Variants in TLE1 observed in about 807,000 individuals in gnomAD.
TLE1 encodes TLE family member 1, transcriptional corepressor.
In TLE1, 21 loss-of-function variants were observed where a neutral mutation model predicts 89.8. That is an observed-to-expected ratio of 0.23 (90% CI 0.17 to 0.34). The LOEUF is 0.34. Among genes scored for constraint, TLE1 ranks in the 10% least tolerant of loss-of-function variants. The probability of loss-of-function intolerance (pLI) is 1.00; values close to 1 mark genes in which losing one functional copy is unlikely to be tolerated. For missense variants in TLE1, 795 were observed against 1,031.2 expected, an observed-to-expected ratio of 0.77 and a Z score of 3.14; for synonymous variants, 447 against 407.6, an observed-to-expected ratio of 1.10 and a Z score of -1.16.
chr9:81,587,418 TAAAC>T (rs1378529689), intron 17 of TLE1, among the ~76,000 whole-genome samples: 3 of 152,094 alleles, frequency 2.0e-5, no homozygotes, highest in African/African-American at 4.8e-5. Context: ...ACAAATCCCT[TAAAC>T]AAACTCATAT....
rs531135883 is a variant in TLE1 at position 81,663,787 on chromosome 9, C to T, written c.235-9751G>A. The stretch of plus-strand genomic sequence containing the variant: ...GACTACAGGCACCTGCCACCACGCC[C>T]GGCTAATTTTTGTATTTTTAGTAGA... On this transcript the variant is annotated intron_variant, in intron 4 of 19. Transcript: ENST00000376499. Among the ~76,000 whole-genome samples the T allele has an allele frequency of 3.3e-5, 5 of 151,814 alleles. No homozygotes were observed. In the South Asian group the frequency reaches 1.0e-3, roughly 32 times the overall value.
Position 81,685,783 on chromosome 9 carries a change from G to A in TLE1, c.189+50C>T, listed in dbSNP as rs2291300. ...CATGTTTTTTACACTCTGCTAACAC[G>A]TTTGCTAATATCATATGAAAAAGGA... On this transcript the variant is annotated intron_variant, in intron 3 of 19. Coordinates refer to ENST00000376499, the MANE Select transcript of TLE1 (RefSeq NM_005077.5). The A allele has an allele frequency of 6.0e-4, 969 of 1,611,604 alleles. 9 individuals carry two copies. In the East Asian group the frequency reaches 0.02, roughly 33 times the overall value.
chr9:81,677,769 C>T (rs1833089464), intron 4 of TLE1, among the ~76,000 whole-genome samples: 1 of 152,050 alleles, frequency 6.6e-6, no homozygotes. Flanking sequence ...TTCAAACACA[C>T]CTACATTCTC....
intron 4 of TLE1, among the ~76,000 whole-genome samples, chr9:81,666,788 T>TAAAC (rs1831519119): frequency 6.8e-6 from 1 of 146,748 alleles, no homozygotes. Context: ...AATAAATAAA[T>TAAAC]AAATAAATAA....
At chr9:81,688,111 G>A (rs2279353) in intron 1 of TLE1, 106 bp downstream of exon 1, 151,437 of 1,436,902 alleles carry the variant, frequency 0.11, 8,466 homozygotes, top group South Asian at 0.15. Flanking sequence ...CACCGCTGAG[G>A]GCGAGAAGGT....
chr9:81,673,142 G>A (rs557390995), intron 4 of TLE1, among the ~76,000 whole-genome samples: 88 of 151,752 alleles, frequency 5.8e-4, no homozygotes, highest in African/African-American at 1.8e-3. Context: ...GCATGGTGGT[G>A]CACGCCTGTA....
chr9:81,605,921 T>G (rs1381357310), intron 14 of TLE1, among the ~76,000 whole-genome samples: 1 of 151,324 alleles, frequency 6.6e-6, no homozygotes, highest in Non-Finnish European at 1.5e-5. Context: ...CTTAAACAAA[T>G]TTACAAGAAA....
intron 4 of TLE1, among the ~76,000 whole-genome samples, chr9:81,677,916 A>G (rs1225871794): frequency 6.6e-6 from 1 of 152,088 alleles, no homozygotes; most frequent in African/African-American, 2.4e-5. Flanking sequence ...AGCATACTTA[A>G]TTTTTTCTCT....
chr9:81,613,032 T>TG (rs960889881), intron 12 of TLE1, among the ~76,000 whole-genome samples: 2 of 151,742 alleles, frequency 1.3e-5, no homozygotes, highest in Non-Finnish European at 1.5e-5. Flanking sequence ...CATTCCAGCC[T>TG]GGGGGGGACA....
Position 81,642,101 on chromosome 9 carries a change from T to C in TLE1, c.373-7800A>G, listed in dbSNP as rs528509440. ...GGTAACAAAAAGACAAAGATAGTGT[T>C]AGTGATGGTGTGGAGAAAAGGAAAC... On this transcript the variant is annotated intron_variant, in intron 6 of 19. Transcript: ENST00000376499. Among the ~76,000 whole-genome samples the C allele has an allele frequency of 7.2e-5, 11 of 152,210 alleles. No individual in the cohort carries two copies. The East Asian group carries it at 1.7e-3, about 24-fold the overall frequency.
chr9:81,660,912 C>G (rs1378385462), intron 4 of TLE1, among the ~76,000 whole-genome samples: 3 of 145,026 alleles, frequency 2.1e-5, no homozygotes, highest in Admixed American at 1.4e-4. Flanking sequence ...CTGGCTAACA[C>G]GGTGAAACCC....
At chr9:81,635,740 A>AT in intron 6 of TLE1, among the ~76,000 whole-genome samples, 1 of 152,264 alleles carries the variant, frequency 6.6e-6, no homozygotes, top group African/African-American at 2.4e-5. Context: ...CAGCCCACTG[A>AT]TTTTTAATGG....
At chr9:81,592,012 G>A (rs1462173558) in intron 15 of TLE1, among the ~76,000 whole-genome samples, 1 of 152,206 alleles carries the variant, frequency 6.6e-6, no homozygotes, top group African/African-American at 2.4e-5. Context: ...GCAGCTCGGA[G>A]TCTGCTTAAG....
chr9:81,645,139 C>T (rs997121636), intron 6 of TLE1, among the ~76,000 whole-genome samples: 1 of 151,834 alleles, frequency 6.6e-6, no homozygotes, highest in African/African-American at 2.4e-5. Context: ...GCAGGTGGAT[C>T]ACCTGAGGTC....
In TLE1 at chr9:81,634,113, A is replaced by G. The variant is rs1237077507; in HGVS notation, c.561T>C (p.Asp187=). 1 of 1,609,168 alleles carries G rather than the reference A, an allele frequency of 6.2e-7. No homozygotes were observed. ...LAIKDDKKHH[D]AEHHRDREPG... is the part of the protein sequence containing the mutation. ...GCCTCTCACCTCTGTGGTGCTCTGC[A>G]TCGTGGTGCTTCTTGTCATCTTTTA... Residue 187 remains aspartate, a synonymous_variant, in exon 7 of 20, where the codon GAT becomes GAC. Transcript: ENST00000376499.
chr9:81,594,225 A>G (rs1829920341), intron 14 of TLE1, among the ~76,000 whole-genome samples: 1 of 152,240 alleles, frequency 6.6e-6, no homozygotes, highest in South Asian at 2.1e-4. Flanking sequence ...CTGGGCCACA[A>G]GTTGATTTCA....
chr9:81,658,511 A>C (rs1830407827), intron 4 of TLE1, among the ~76,000 whole-genome samples: 1 of 152,286 alleles, frequency 6.6e-6, no homozygotes, highest in South Asian at 2.1e-4. Flanking sequence ...TCTAAACCCT[A>C]ATCTTAAACT....
chr9:81,680,609 A>G (rs1833489589), intron 4 of TLE1, among the ~76,000 whole-genome samples: 1 of 152,184 alleles, frequency 6.6e-6, no homozygotes, highest in Admixed American at 6.5e-5. Context: ...AGGGTGGGGA[A>G]GGTGACTGAG....
At chr9:81,597,758 C>G (rs1184589290) in intron 14 of TLE1, among the ~76,000 whole-genome samples, 1 of 152,130 alleles carries the variant, frequency 6.6e-6, no homozygotes, top group Non-Finnish European at 1.5e-5. Flanking sequence ...TATAAAAACC[C>G]ATTAAGAGCA....
Sources: allele counts gnomAD v4.1 joint callset (sites outside exome capture counted in the v4.1 genomes callset), GRCh38; gene constraint gnomAD v4.1.1; transcripts MANE v1.5; gene names NCBI Gene and HGNC (gene_info 2026-07-23, HGNC 2026-07-21).